The following CDK14 variants were observed in gnomAD, a reference collection of about 807,000 sequenced individuals.
The protein encoded by CDK14 is cyclin-dependent kinase 14.
CDK14 carries 34 observed loss-of-function variants against 60.7 expected under a neutral mutation model. That is an observed-to-expected ratio of 0.56 (90% confidence interval 0.43 to 0.75). The LOEUF (loss-of-function observed/expected upper bound fraction) is 0.75, where lower values mean the gene tolerates loss of function less well. CDK14 is among the 30% of genes least tolerant of loss of function. The pLI is 0.00. For synonymous variants in CDK14, 197 were observed against 203.7 expected (o/e 0.97, Z 0.28); for missense variants, 482 against 564.1 (o/e 0.85, Z 1.47).
intron 14 of CDK14, among the ~76,000 whole-genome samples, chr7:91,164,263 G>A (rs1801271387): frequency 6.6e-6 from 1 of 152,154 alleles, no homozygotes; most frequent in Admixed American, 6.5e-5. Context: ...CCAAAACTAT[G>A]AGGAAGTCTT....
In CDK14 at chr7:90,713,466, A is replaced by G. The variant is rs543590406; in HGVS notation, c.124-13101A>G. Among the ~76,000 whole-genome samples the G allele has an allele frequency of 2.8e-3, 294 of 106,682 alleles. 1 individual carries two copies. The highest frequency in any genetic ancestry group is 9.4e-3 in the African/African-American group (286 of 30,584). 70.0% of individuals were successfully genotyped at this position (106,682 alleles called of 152,430 possible). On this transcript the variant is annotated intron_variant, in intron 2 of 14. Coordinates refer to ENST00000380050, the MANE Select transcript of CDK14 (RefSeq NM_001287135.2). ...CCCTAACTGTTTTTCTGTCCTCCTA[A>G]CTGTTTTTCTGTTATGGCCTGACTT...
chr7:90,640,716 C>G (rs949556300), intron 2 of CDK14, among the ~76,000 whole-genome samples: 1 of 151,840 alleles, frequency 6.6e-6, no homozygotes, highest in Non-Finnish European at 1.5e-5. Flanking sequence ...TCAGAGTGTT[C>G]TAAAGTTGAT....
chr7:90,601,449 G>A (rs1019761023), intron 1 of CDK14, among the ~76,000 whole-genome samples: 1 of 152,314 alleles, frequency 6.6e-6, no homozygotes, highest in Admixed American at 6.5e-5. Context: ...GTCTAGCAGT[G>A]AATGACTTCA....
intron 2 of CDK14, among the ~76,000 whole-genome samples, chr7:90,627,719 GCACCTAAACAGGTGCTACTGAAGT>G (rs1369598174): frequency 2.6e-5 from 4 of 152,106 alleles, no homozygotes; most frequent in African/African-American, 7.2e-5. Flanking sequence ...TTCAACTGTA[GCACCTAAACAGGTGCTACTGAAGT>G]CACCTAAACA....
intron 2 of CDK14, among the ~76,000 whole-genome samples, chr7:90,629,405 C>T (rs1282396488): frequency 6.6e-6 from 1 of 152,212 alleles, no homozygotes; most frequent in Non-Finnish European, 1.5e-5. Context: ...TTTTTAATCA[C>T]TTTGTCCCTA....
intron 5 of CDK14, among the ~76,000 whole-genome samples, chr7:90,808,223 G>T (rs1384187366): frequency 2.0e-5 from 3 of 152,108 alleles, no homozygotes; most frequent in Non-Finnish European, 4.4e-5. Context: ...GAGAAAGATT[G>T]GGTTACCCAC....
chr7:91,050,698 T>C (rs1797367087), intron 11 of CDK14, among the ~76,000 whole-genome samples: 1 of 152,126 alleles, frequency 6.6e-6, no homozygotes, highest in African/African-American at 2.4e-5. Flanking sequence ...CTAAGTAATT[T>C]ACAAAGAAAA....
chr7:90,863,353 A>G lies in CDK14; in HGVS notation c.639+84A>G, dbSNP rs184872637. ...TGTTGTCATAGAATTTCGTTTTTAG[A>G]TTGCTGTACTGAAGTTAATATTTTA... is the stretch of plus-strand genomic sequence containing the variant. On this transcript the variant is annotated intron_variant, in intron 6 of 14. Transcript: ENST00000380050. The G allele has an allele frequency of 7.1e-4, 515 of 722,284 alleles. 1 individual carries two copies. Among genetic ancestry groups the G allele is most frequent in the Non-Finnish European group, 1.1e-3 (457 of 428,146 alleles). The allele number at this position is 722,284 out of a possible 1,614,324, so 44.7% of individuals were successfully genotyped here. A position where few individuals can be genotyped will look rare whatever the true frequency, so the allele number is the denominator to read the frequency against.
At chr7:90,703,113 A>G (rs1286039514) in intron 2 of CDK14, among the ~76,000 whole-genome samples, 3 of 150,766 alleles carry the variant, frequency 2.0e-5, no homozygotes, top group Non-Finnish European at 4.4e-5. Context: ...TAGTCATGGG[A>G]TTGTAGCCTC....
intron 10 of CDK14, among the ~76,000 whole-genome samples, chr7:91,016,319 T>A (rs1763102874): frequency 6.6e-6 from 1 of 152,222 alleles, no homozygotes; most frequent in African/African-American, 2.4e-5. Flanking sequence ...CATTTTACCA[T>A]GATTTTTTGT....
chr7:90,721,032 C>T (rs1343876502), intron 2 of CDK14, among the ~76,000 whole-genome samples: 1 of 152,246 alleles, frequency 6.6e-6, no homozygotes, highest in East Asian at 1.9e-4. Flanking sequence ...CACACTGGTT[C>T]ACATAGGTTT....
chr7:90,835,447 G>A (rs1481887011), intron 5 of CDK14, among the ~76,000 whole-genome samples: 3 of 151,836 alleles, frequency 2.0e-5, no homozygotes, highest in African/African-American at 7.3e-5. Context: ...AGGAGAGATG[G>A]TTGAGTTTGC....
intron 7 of CDK14, among the ~76,000 whole-genome samples, chr7:90,908,978 T>C (rs376839158): frequency 2.6e-5 from 4 of 152,192 alleles, no homozygotes; most frequent in Non-Finnish European, 5.9e-5. Context: ...TCAGTTGATA[T>C]TAAGATAATT....
At chr7:90,831,295 G>C (rs946838864) in intron 5 of CDK14, among the ~76,000 whole-genome samples, 1 of 152,188 alleles carries the variant, frequency 6.6e-6, no homozygotes, top group African/African-American at 2.4e-5. Flanking sequence ...GGGGAAGCAC[G>C]ACACATCTTA....
chr7:91,175,908 A>G (rs1231415702), intron 14 of CDK14, among the ~76,000 whole-genome samples: 1 of 149,706 alleles, frequency 6.7e-6, no homozygotes, highest in Non-Finnish European at 1.5e-5. Context: ...AATGAGACAG[A>G]AAGTCAACAA....
At chr7:90,626,783 A>G (rs370336216) in intron 2 of CDK14, among the ~76,000 whole-genome samples, 2 of 152,184 alleles carry the variant, frequency 1.3e-5, no homozygotes, top group South Asian at 2.1e-4. Flanking sequence ...CTACAAAAAA[A>G]TAAAATTAGC....
Position 90,630,823 on chromosome 7 carries a change from C to T in CDK14, c.123+26574C>T, listed in dbSNP as rs1051161467. On this transcript the variant is annotated intron_variant, in intron 2 of 14. Transcript: ENST00000380050. The stretch of plus-strand genomic sequence containing the variant: ...TTTACCCATTAAAAGTGGTTGCAAG[C>T]ATCTCACTACATCATTAAATCATTT... Among the ~76,000 whole-genome samples the T allele has an allele frequency of 4.0e-5, 6 of 151,312 alleles. 1 individual carries two copies. Among genetic ancestry groups the T allele is most frequent in the South Asian group, 2.1e-4 (1 of 4,778 alleles).
chr7:91,127,960 C>T (rs1321789049), intron 14 of CDK14, among the ~76,000 whole-genome samples: 1 of 152,032 alleles, frequency 6.6e-6, no homozygotes, highest in African/African-American at 2.4e-5. Context: ...TTTTTTTAAA[C>T]ATAAATTCCA....
At chr7:91,060,622 C>T (rs1457946187) in intron 11 of CDK14, among the ~76,000 whole-genome samples, 8 of 152,070 alleles carry the variant, frequency 5.3e-5, no homozygotes, top group Non-Finnish European at 1.0e-4. Flanking sequence ...CAGCATTTGC[C>T]TTTCTGTAAA....
Sources: allele counts gnomAD v4.1 joint callset (sites outside exome capture counted in the v4.1 genomes callset), GRCh38; gene constraint gnomAD v4.1.1; transcripts MANE v1.5; gene names NCBI Gene and HGNC (gene_info 2026-07-23, HGNC 2026-07-21).